SPAG17: variants seen among roughly 807,000 people sequenced by gnomAD.
SPAG17 encodes sperm associated antigen 17, also known as sperm-associated antigen 17.
A neutral mutation model predicts 273.6 loss-of-function variants in SPAG17; 169 were observed. That is an observed-to-expected ratio of 0.62 (90% confidence interval 0.55 to 0.70). The LOEUF (loss-of-function observed/expected upper bound fraction) is 0.70. SPAG17 is among the 30% of genes least tolerant of loss of function. The probability of loss-of-function intolerance (pLI) is 0.00; values close to 1 mark genes in which losing one functional copy is unlikely to be tolerated. For synonymous variants in SPAG17, 825 were observed against 873.2 expected (o/e 0.94, Z 0.97); for missense variants, 2,557 against 2,627.8 (o/e 0.97, Z 0.59).
At chr1:118,134,580 G>A (rs370621360) in intron 3 of SPAG17, among the ~76,000 whole-genome samples, 7 of 152,080 alleles carry the variant, frequency 4.6e-5, no homozygotes, top group African/African-American at 7.2e-5. Flanking sequence ...AATTATTCCC[G>A]TACTGTGGTT....
At chr1:118,134,316 AATG>A (rs1658220117) in intron 3 of SPAG17, among the ~76,000 whole-genome samples, 1 of 152,220 alleles carries the variant, frequency 6.6e-6, no homozygotes, top group African/African-American at 2.4e-5. Flanking sequence ...AGTATGTGGA[AATG>A]ATATGATATA....
chr1:118,155,684 A>G (rs944074298), intron 1 of SPAG17, among the ~76,000 whole-genome samples: 4 of 152,234 alleles, frequency 2.6e-5, no homozygotes, highest in African/African-American at 7.2e-5. Context: ...GGTAAAATCA[A>G]TGCAACATTC....
Position 118,033,271 on chromosome 1 carries a change from A to G in SPAG17, c.3434-1404T>C, listed in dbSNP as rs553429050. On this transcript the variant is annotated intron_variant, in intron 24 of 48. Coordinates refer to ENST00000336338, the MANE Select transcript of SPAG17 (RefSeq NM_206996.4). ...GGTTGTGGTGCTACAGACATTTCAAACTCAATTAAGTCTCTCTTCTCCCAA... is the reference window on the plus strand; with the variant it reads ...GGTTGTGGTGCTACAGACATTTCAAGCTCAATTAAGTCTCTCTTCTCCCAA... 3.3e-5 allele frequency among the ~76,000 whole-genome samples: 5 copies of G among 152,130 alleles called. No individual in the cohort carries two copies. The South Asian group carries it at 6.2e-4, about 19-fold the overall frequency.
chr1:117,966,563 A>C (rs777858323), intron 47 of SPAG17, 46 bp downstream of exon 47: 2 of 1,433,226 alleles, frequency 1.4e-6, no homozygotes, highest in Non-Finnish European at 1.8e-6. Context: ...CACTCGTGTA[A>C]TTTCTGCACT....
chr1:118,087,623 G>A (rs762140601), intron 10 of SPAG17, among the ~76,000 whole-genome samples: 2 of 152,188 alleles, frequency 1.3e-5, no homozygotes, highest in Non-Finnish European at 2.9e-5. Flanking sequence ...AAATGTAATA[G>A]TGTCTCCTTT....
intron 18 of SPAG17, among the ~76,000 whole-genome samples, chr1:118,057,651 A>C (rs1250047068): frequency 6.6e-6 from 1 of 152,186 alleles, no homozygotes; most frequent in Non-Finnish European, 1.5e-5. Context: ...AAAATAAATC[A>C]GAGAAATAAG....
rs1204273718 is a variant in SPAG17 at position 118,041,815 on chromosome 1, C to T, written c.3042G>A (p.Lys1014=). ...AATTGGAGTTTACCGGGTAAGTTAT[C>T]TTAGGTTCTGGTTGGTGGGGGGACT... The part of the protein sequence containing the change: ...TEESPHQPEP[K]ITYPFHGYNM... The change falls in exon 21 of 49, where the codon AAG becomes AAA. Residue 1014 remains lysine (K), a synonymous_variant. Coordinates refer to ENST00000336338, the MANE Select transcript of SPAG17 (RefSeq NM_206996.4). 6 of 1,610,674 alleles carry T rather than the reference C, an allele frequency of 3.7e-6. No individual in the cohort carries two copies. Among genetic ancestry groups the T allele is most frequent in the South Asian group, 1.1e-5 (1 of 90,298 alleles).
At chr1:118,018,964 G>C (rs1660235354) in intron 28 of SPAG17, among the ~76,000 whole-genome samples, 1 of 149,134 alleles carries the variant, frequency 6.7e-6, no homozygotes, top group African/African-American at 2.5e-5. Context: ...GGGCCCAGGA[G>C]GTTAGGCTGC....
chr1:118,101,949 T>C, intron 4 of SPAG17, 23 bp from the exon 5 acceptor site: 1 of 1,594,560 alleles, frequency 6.3e-7, no homozygotes, highest in Non-Finnish European at 8.5e-7. Flanking sequence ...AACACTTTTT[T>C]CTCCAAATCA....
intron 36 of SPAG17, among the ~76,000 whole-genome samples, 187 bp from the exon 37 acceptor site, chr1:117,991,715 G>T (rs72631712): frequency 6.6e-6 from 1 of 152,154 alleles, no homozygotes; most frequent in Non-Finnish European, 1.5e-5. Context: ...AAAAACCTGA[G>T]AAGTGCAAAA....
chr1:117,978,804 A>G (rs1655412625), intron 43 of SPAG17, among the ~76,000 whole-genome samples: 1 of 151,128 alleles, frequency 6.6e-6, no homozygotes, highest in Non-Finnish European at 1.5e-5. Flanking sequence ...GGCATTTGAT[A>G]CACTCCAAAC....
chr1:118,063,214 C>T (rs1268525036), intron 18 of SPAG17, among the ~76,000 whole-genome samples: 1 of 152,132 alleles, frequency 6.6e-6, no homozygotes, highest in Admixed American at 6.5e-5. Context: ...TGACTTTCTT[C>T]ACAGAATTGG....
intron 3 of SPAG17, among the ~76,000 whole-genome samples, chr1:118,146,363 T>G (rs1356068442): frequency 6.6e-6 from 1 of 152,200 alleles, no homozygotes. Context: ...ATTTTCTATG[T>G]GGGCCATAAA....
chr1:118,126,434 C>T (rs180919455), intron 3 of SPAG17, among the ~76,000 whole-genome samples: 20 of 151,596 alleles, frequency 1.3e-4, no homozygotes, highest in East Asian at 1.2e-3. Context: ...AGGATGGTCT[C>T]GATATCCTGA....
intron 28 of SPAG17, among the ~76,000 whole-genome samples, chr1:118,022,363 G>T (rs374416583): frequency 1.9e-4 from 29 of 152,112 alleles, no homozygotes; most frequent in Non-Finnish European, 3.4e-4. Context: ...TACAAATTAA[G>T]ATGAAAATGA....
At chr1:117,972,476 C>G (rs565111626) in intron 44 of SPAG17, among the ~76,000 whole-genome samples, 36 of 152,330 alleles carry the variant, frequency 2.4e-4, no homozygotes, top group Middle Eastern at 6.8e-3. Flanking sequence ...GCATTTATAA[C>G]AAGTTCTTAG....
intron 9 of SPAG17, 53 bp downstream of exon 9, chr1:118,091,877 C>T: frequency 6.3e-7 from 1 of 1,575,902 alleles, no homozygotes; most frequent in Non-Finnish European, 8.7e-7. Flanking sequence ...GTCATTATCT[C>T]TTAAAGTGCC....
rs1553234131 is a variant in SPAG17, at chr1:118,036,547, T to TTGCA, written c.3433+222_3433+223insTGCA. 811 of 276,950 alleles carry TTGCA rather than the reference T, an allele frequency of 2.9e-3. 3 individuals are homozygous for TTGCA. The highest frequency in any genetic ancestry group is 4.1e-3 in the Non-Finnish European group (615 of 151,196). The allele number at this position is 276,950 out of a possible 1,614,324, so 17.2% of individuals were successfully genotyped here. ...TATAAAATGTCAAAGCATTTTTATT[T>TTGCA]TGTATCTATGTATAAAAGATTATAT... On this transcript the variant is annotated intron_variant, in intron 24 of 48. Transcript: ENST00000336338.
rs1191191677 is a variant in SPAG17 at position 117,996,363 on chromosome 1, C to A, written c.5053+7G>T. 1 of 1,609,896 alleles carries A rather than the reference C, an allele frequency of 6.2e-7. No homozygotes were observed. Among genetic ancestry groups the A allele is most frequent in the Non-Finnish European group, 8.5e-7 (1 of 1,177,860 alleles). On this transcript the variant is annotated splice_region_variant and intron_variant, in intron 34 of 48. Coordinates refer to ENST00000336338, the MANE Select transcript of SPAG17 (RefSeq NM_206996.4). ...ACCGTGCATTCCAGACAGTATGGGT[C>A]CTCTACCTGGCTGTTCCTGCACTGG... is the stretch of plus-strand genomic sequence containing the variant.
Sources: gnomAD v4.1 joint callset for allele counts (sites outside exome capture counted in the v4.1 genomes callset) on GRCh38, gnomAD v4.1.1 for gene constraint, MANE v1.5 for transcripts, NCBI Gene and HGNC (gene_info 2026-07-23, HGNC 2026-07-21) for gene names.